The following NLGN1 variants were observed in gnomAD, a reference collection of about 807,000 sequenced individuals.
The protein encoded by NLGN1 is neuroligin 1.
A neutral mutation model predicts 65.5 loss-of-function variants in NLGN1; 12 were observed. The observed-to-expected ratio is 0.18, with a 90% CI of 0.12 to 0.30. NLGN1 has a LOEUF of 0.30. NLGN1 is among the 10% of genes least tolerant of loss of function. NLGN1 has a pLI of 1.00. For synonymous variants in NLGN1, 350 were observed against 359.5 expected, an observed-to-expected ratio of 0.97 and a Z score of 0.30; for missense variants, 750 against 1,007.1, an observed-to-expected ratio of 0.74 and a Z score of 3.46.
At chr3:173,936,886 G>T (rs901777042) in intron 4 of NLGN1, among the ~76,000 whole-genome samples, 34 of 151,860 alleles carry the variant, frequency 2.2e-4, no homozygotes, top group Non-Finnish European at 4.4e-4. Flanking sequence ...TCTGTATTGG[G>T]TTAACATTTT....
intron 3 of NLGN1, among the ~76,000 whole-genome samples, chr3:173,763,140 G>C (rs948864306): frequency 6.6e-6 from 1 of 152,002 alleles, no homozygotes; most frequent in African/African-American, 2.4e-5. Context: ...TCTTCTTGCA[G>C]TCTGTTAAAT....
chr3:173,414,655 A>G (rs955736340), intron 1 of NLGN1, among the ~76,000 whole-genome samples: 4 of 152,124 alleles, frequency 2.6e-5, no homozygotes, highest in Non-Finnish European at 5.9e-5. Flanking sequence ...ATCTACAGCA[A>G]TGTGTCCATT....
chr3:173,665,938 T>G (rs544879439), intron 3 of NLGN1, among the ~76,000 whole-genome samples: 1 of 152,260 alleles, frequency 6.6e-6, no homozygotes, highest in South Asian at 2.1e-4. Context: ...GCTTCCAAAA[T>G]GCATTTTCTT....
intron 3 of NLGN1, among the ~76,000 whole-genome samples, chr3:173,777,934 A>G (rs1205367870): frequency 6.6e-6 from 1 of 152,020 alleles, no homozygotes; most frequent in East Asian, 1.9e-4. Flanking sequence ...TGATAATGAT[A>G]ATAATCATTG....
chr3:173,449,873 T>G (rs1355152705), intron 2 of NLGN1, among the ~76,000 whole-genome samples: 1 of 152,212 alleles, frequency 6.6e-6, no homozygotes, highest in African/African-American at 2.4e-5. Flanking sequence ...TATCAGAGAC[T>G]AGGATTGCAA....
chr3:174,277,625 G>T (rs1750827631), intron 5 of NLGN1, among the ~76,000 whole-genome samples: 1 of 151,578 alleles, frequency 6.6e-6, no homozygotes, highest in South Asian at 2.1e-4. Context: ...AGCATACTTT[G>T]TTCTAGTAAA....
chr3:173,927,945 C>T (rs552425062), intron 4 of NLGN1, among the ~76,000 whole-genome samples: 3 of 152,230 alleles, frequency 2.0e-5, no homozygotes, highest in African/African-American at 7.2e-5. Context: ...TTGTGTCCGG[C>T]ACAGTGCTTT....
At chr3:174,183,027 A>G (rs545109317) in intron 4 of NLGN1, among the ~76,000 whole-genome samples, 1 of 152,136 alleles carries the variant, frequency 6.6e-6, no homozygotes, top group South Asian at 2.1e-4. Context: ...GCCCTTCCCA[A>G]TTGGCCCCTT....
intron 1 of NLGN1, among the ~76,000 whole-genome samples, chr3:173,399,291 G>A (rs553801755): frequency 1.3e-5 from 2 of 152,260 alleles, no homozygotes; most frequent in Non-Finnish European, 2.9e-5. Flanking sequence ...CTTAACATAA[G>A]CAGAAATTGA....
chr3:173,621,517 G>A (rs1034050811), intron 3 of NLGN1, among the ~76,000 whole-genome samples: 10 of 152,162 alleles, frequency 6.6e-5, no homozygotes, highest in East Asian at 3.9e-4. Context: ...GATGGTTTTT[G>A]GGCAAGGAGC....
At chr3:173,440,578 A>C (rs1042009821) in intron 2 of NLGN1, among the ~76,000 whole-genome samples, 2 of 152,212 alleles carry the variant, frequency 1.3e-5, no homozygotes, top group African/African-American at 4.8e-5. Flanking sequence ...AATCTTGTAC[A>C]TCTACATCAG....
At chr3:173,535,492 C>T (rs61625021) in intron 2 of NLGN1, among the ~76,000 whole-genome samples, 7,679 of 152,164 alleles carry the variant, frequency 0.05, 608 homozygotes, top group African/African-American at 0.18. Flanking sequence ...CTACTATATT[C>T]AGATATCAGA....
chr3:173,699,205 A>T (rs1766725835), intron 3 of NLGN1, among the ~76,000 whole-genome samples: 1 of 152,154 alleles, frequency 6.6e-6, no homozygotes, highest in African/African-American at 2.4e-5. Context: ...CCCCTCAATC[A>T]TGGCAAAACC....
At chr3:174,239,253 G>C (rs1157031986) in intron 4 of NLGN1, among the ~76,000 whole-genome samples, 1 of 152,160 alleles carries the variant, frequency 6.6e-6, no homozygotes, top group East Asian at 1.9e-4. Flanking sequence ...GTTTTTAGTA[G>C]AGATGGACTT....
At chr3:174,085,269 G>A (rs1023680190) in intron 4 of NLGN1, among the ~76,000 whole-genome samples, 2 of 151,924 alleles carry the variant, frequency 1.3e-5, no homozygotes, top group African/African-American at 4.8e-5. Flanking sequence ...TTAGAACAGA[G>A]AAGTTTAAAA....
intron 4 of NLGN1, among the ~76,000 whole-genome samples, chr3:174,169,016 G>A (rs1024302592): frequency 4.6e-5 from 7 of 152,148 alleles, no homozygotes; most frequent in African/African-American, 1.7e-4. Flanking sequence ...CAGGAGGGGT[G>A]GGGTGACTCA....
intron 3 of NLGN1, among the ~76,000 whole-genome samples, chr3:173,805,090 G>A (rs781387958): frequency 6.6e-6 from 1 of 152,052 alleles, no homozygotes; most frequent in African/African-American, 2.4e-5. Flanking sequence ...ACTATTAAAG[G>A]CTTCCATTTT....
the NLGN1 span, among the ~76,000 whole-genome samples, chr3:174,292,757 T>C: frequency 6.6e-6 from 1 of 151,408 alleles, no homozygotes; most frequent in Non-Finnish European, 1.5e-5. Context: ...AATGAATCAG[T>C]GGATCTAGGT....
intron 2 of NLGN1, among the ~76,000 whole-genome samples, chr3:173,559,373 C>G (rs1044996426): frequency 6.6e-6 from 1 of 152,212 alleles, no homozygotes; most frequent in Non-Finnish European, 1.5e-5. Context: ...GTCTCCCTGT[C>G]TGTGGCAGAC....
Sources: allele counts gnomAD v4.1 joint callset (sites outside exome capture counted in the v4.1 genomes callset), GRCh38; gene constraint gnomAD v4.1.1; transcripts MANE v1.5; gene names NCBI Gene and HGNC (gene_info 2026-07-23, HGNC 2026-07-21).